The following TRPS1 variants were observed in gnomAD, a reference collection of about 807,000 sequenced individuals.
TRPS1 encodes the protein zinc finger transcription factor Trps1.
TRPS1 carries 6 observed loss-of-function variants against 101.2 expected under a neutral mutation model. The observed-to-expected ratio is 0.06, with a 90% confidence interval of 0.03 to 0.12. TRPS1 has a LOEUF of 0.12. TRPS1 is among the 10% of genes least tolerant of loss of function. The pLI is 1.00. For missense variants in TRPS1, 1,363 were observed against 1,567.0 expected, an observed-to-expected ratio of 0.87 and a Z score of 2.20; for synonymous variants, 578 against 589.8, an observed-to-expected ratio of 0.98 and a Z score of 0.29.
At chr8:115,421,920 C>A (rs543548767) in intron 5 of TRPS1, among the ~76,000 whole-genome samples, 11 of 152,282 alleles carry the variant, frequency 7.2e-5, no homozygotes, top group African/African-American at 2.6e-4. Context: ...ACCAAAGGAA[C>A]GCAGAGTAGA....
At chr8:115,588,098 T>C (rs1339020274) in intron 4 of TRPS1, among the ~76,000 whole-genome samples, 2 of 151,388 alleles carry the variant, frequency 1.3e-5, no homozygotes, top group Non-Finnish European at 2.9e-5. Flanking sequence ...AATTGAGGAT[T>C]TTTCCCCCTG....
In TRPS1 at chr8:115,587,483, C is replaced by T. The variant is rs1181111937; in HGVS notation, c.2218G>A (p.Glu740Lys). The change falls in exon 5 of 7, where the codon GAA (glutamate) becomes AAA (lysine). Residue 740 changes from glutamate (E) to lysine (K), a missense_variant. By Grantham distance (56) the Glu-to-Lys change is moderately conservative. Transcript: ENST00000395715. ...QEQDITTANG[E>K]EDGHAISTIK... is the part of the protein sequence containing the mutation. ...GTGGATATGGCATGACCGTCCTCTT[C>T]GCCGTTGGCTGTAGTGATGTCCTGT... 4.3e-6 allele frequency: 7 copies of T among 1,613,982 alleles called. No homozygotes were observed. Among genetic ancestry groups the T allele is most frequent in the African/African-American group, 2.7e-5 (2 of 74,886 alleles).
chr8:115,604,383 TCGG>T lies in TRPS1; in HGVS notation c.1583_1585del (p.Ala528del). On this transcript the variant is annotated inframe_deletion, in exon 4 of 7. Coordinates refer to ENST00000395715, the MANE Select transcript of TRPS1 (RefSeq NM_014112.5). The surrounding 1 kb of genome is among the most constrained non-coding windows in gnomAD (Gnocchi z 4.1). ...ATTATAGCTCGTTACCATATTATCC[TCGG>T]CTCCCTTGCTGGAGAAGTCCTTCTT... is the stretch of plus-strand genomic sequence containing the variant. The T allele has an allele frequency of 6.2e-7, 1 of 1,614,068 alleles. No homozygotes were observed. Among genetic ancestry groups the T allele is most frequent in the South Asian group, 1.1e-5 (1 of 91,080 alleles).
chr8:115,429,847 G>A (rs1813276974), intron 5 of TRPS1, among the ~76,000 whole-genome samples: 1 of 151,962 alleles, frequency 6.6e-6, no homozygotes, highest in Admixed American at 6.6e-5. Context: ...GGCAAAAGAC[G>A]TAAATAAATT....
intron 5 of TRPS1, among the ~76,000 whole-genome samples, chr8:115,552,952 G>A (rs1273218848): frequency 3.3e-5 from 5 of 152,000 alleles, no homozygotes; most frequent in Admixed American, 6.6e-5. Context: ...AATGGTCACA[G>A]ACTACACACT....
intron 1 of TRPS1, 35 bp downstream of exon 1, chr8:115,668,510 C>G (rs1811988163): frequency 1.4e-5 from 2 of 146,126 alleles, no homozygotes; most frequent in Non-Finnish European, 3.0e-5. Flanking sequence ...CCGCAGCCCC[C>G]GGCCCCGCGG....
intron 5 of TRPS1, among the ~76,000 whole-genome samples, chr8:115,422,489 C>A (rs960736576): frequency 6.6e-6 from 1 of 152,044 alleles, no homozygotes; most frequent in African/African-American, 2.4e-5. Context: ...GTCTCAGCTT[C>A]CAGAGTAGCT....
intron 5 of TRPS1, among the ~76,000 whole-genome samples, chr8:115,473,038 G>A (rs1814511552): frequency 6.6e-6 from 1 of 152,108 alleles, no homozygotes; most frequent in Non-Finnish European, 1.5e-5. Flanking sequence ...CTTCCAAACT[G>A]TTCCAACCTC....
intron 5 of TRPS1, among the ~76,000 whole-genome samples, chr8:115,555,659 C>A (rs903464534): frequency 6.6e-6 from 1 of 152,006 alleles, no homozygotes; most frequent in Non-Finnish European, 1.5e-5. Context: ...GCAAGCCAGT[C>A]GCCAGCACTC....
chr8:115,649,193 A>G (rs1156351773), intron 1 of TRPS1, among the ~76,000 whole-genome samples: 2 of 152,220 alleles, frequency 1.3e-5, no homozygotes, highest in African/African-American at 4.8e-5. Flanking sequence ...TCATATATAA[A>G]GGTGATGGCC....
chr8:115,588,881 T>C (rs959496807), intron 4 of TRPS1, among the ~76,000 whole-genome samples: 1 of 152,210 alleles, frequency 6.6e-6, no homozygotes, highest in Admixed American at 6.5e-5. Flanking sequence ...GAATAAAAGA[T>C]ATATAGTCTT....
intron 5 of TRPS1, among the ~76,000 whole-genome samples, chr8:115,545,296 G>A (rs1442481116): frequency 6.6e-6 from 1 of 152,172 alleles, no homozygotes; most frequent in Non-Finnish European, 1.5e-5. Context: ...TTCCACTGGT[G>A]TCAGTGTGGT....
intron 3 of TRPS1, 52 bp downstream of exon 3, chr8:115,619,080 A>C: frequency 6.3e-7 from 1 of 1,595,960 alleles, no homozygotes; most frequent in South Asian, 1.1e-5. Context: ...AAGAATTCAC[A>C]TTTCATTTCT....
chr8:115,624,540 A>T (rs1818464089), intron 1 of TRPS1, among the ~76,000 whole-genome samples: 2 of 151,972 alleles, frequency 1.3e-5, no homozygotes, highest in African/African-American at 4.8e-5. Context: ...TTCCCAAAAT[A>T]TTCTATTTGT....
Position 115,659,151 on chromosome 8 carries a change from A to G in TRPS1, c.-122+9394T>C, listed in dbSNP as rs560291432. The stretch of plus-strand genomic sequence containing the variant: ...ATCATACATCCAAAGAATGTAATTC[A>G]AATGCATTATAAATACAAAGGAGAA... On this transcript the variant is annotated intron_variant, in intron 1 of 6. Coordinates refer to ENST00000395715, the MANE Select transcript of TRPS1 (RefSeq NM_014112.5). 3.9e-5 allele frequency among the ~76,000 whole-genome samples: 6 copies of G among 152,120 alleles called. No individual in the cohort carries two copies. The South Asian group carries it at 1.0e-3, about 26-fold the overall frequency.
At chr8:115,595,440 T>C (rs1244293749) in intron 4 of TRPS1, among the ~76,000 whole-genome samples, 2 of 151,856 alleles carry the variant, frequency 1.3e-5, no homozygotes, top group Non-Finnish European at 3.0e-5. Flanking sequence ...CCAAGAAAAA[T>C]TGAAATTCTG....
intron 5 of TRPS1, among the ~76,000 whole-genome samples, chr8:115,474,011 CA>C (rs1814537601): frequency 6.6e-6 from 1 of 152,000 alleles, no homozygotes; most frequent in Admixed American, 6.6e-5. Context: ...ATGGGAATTT[CA>C]AAATCATTCA....
intron 1 of TRPS1, among the ~76,000 whole-genome samples, chr8:115,659,471 G>A (rs1340150946): frequency 6.6e-6 from 1 of 151,410 alleles, no homozygotes; most frequent in African/African-American, 2.4e-5. Context: ...GATCTCAAAG[G>A]TATATCAAAA....
At chr8:115,465,898 TA>T (rs1033505273) in intron 5 of TRPS1, among the ~76,000 whole-genome samples, 12 of 152,074 alleles carry the variant, frequency 7.9e-5, no homozygotes, top group Non-Finnish European at 1.3e-4. Context: ...ATATGTATTT[TA>T]AAAAACAATA....
Sources: allele counts gnomAD v4.1 joint callset (sites outside exome capture counted in the v4.1 genomes callset), GRCh38; gene constraint gnomAD v4.1.1; non-coding constraint Gnocchi (gnomAD v3.1); transcripts MANE v1.5; gene names NCBI Gene and HGNC (gene_info 2026-07-23, HGNC 2026-07-21).